Variants in CELSR1 observed in about 807,000 individuals in gnomAD.
CELSR1 encodes cadherin EGF LAG seven-pass G-type receptor 1, also known as adhesion G protein-coupled receptor C1.
Under a neutral mutation model 249.1 loss-of-function variants are expected in CELSR1, and 110 were observed. The ratio of observed to expected loss-of-function variants is 0.44; its 90% confidence interval spans 0.38 to 0.52. CELSR1 has a LOEUF of 0.52. CELSR1 is among the 20% of genes least tolerant of loss of function. CELSR1 has a pLI of 0.00. For synonymous variants in CELSR1, 2,113 were observed against 1,900.0 expected (o/e 1.11, Z -2.92); for missense variants, 4,109 against 4,296.4 (o/e 0.96, Z 1.22).
intron 2 of CELSR1, among the ~76,000 whole-genome samples, chr22:46,456,952 T>C (rs1423792851): frequency 1.3e-5 from 2 of 151,850 alleles, no homozygotes; most frequent in African/African-American, 4.8e-5. Flanking sequence ...AGGGAGTTGG[T>C]ACAAAGCTCA....
rs767963069 is a variant in CELSR1 at position 46,367,777 on chromosome 22, G to A, written c.8031C>T (p.Arg2677=). ...TWLLGLLAVN[R]DALSFHYLFA... ...AGAGGTAGTGAAAGCTCAGTGCATC[G>A]CGGTTCACAGCCAGCAGCCCCAGCA... is the stretch of plus-strand genomic sequence containing the variant. The change falls in exon 28 of 35, where the codon CGC becomes CGT. Residue 2677 remains arginine, a synonymous_variant. Transcript: ENST00000674500. 6 of 1,610,542 alleles carry A rather than the reference G, an allele frequency of 3.7e-6. No homozygotes were observed. The highest frequency in any genetic ancestry group is 2.7e-5 in the African/African-American group (2 of 74,928).
intron 2 of CELSR1, among the ~76,000 whole-genome samples, chr22:46,462,536 G>T (rs946019816): frequency 6.6e-6 from 1 of 151,860 alleles, no homozygotes; most frequent in Non-Finnish European, 1.5e-5. Context: ...AGCAGCTAAC[G>T]ATTGCTCAGG....
intron 33 of CELSR1, 81 bp from the exon 34 acceptor site, chr22:46,364,332 C>T: frequency 6.4e-7 from 1 of 1,558,454 alleles, no homozygotes; most frequent in Non-Finnish European, 8.6e-7. Context: ...GCTGAGCCAG[C>T]CTCAGCCCCT....
chr22:46,439,075 C>T, intron 3 of CELSR1, 114 bp downstream of exon 3: 1 of 1,055,422 alleles, frequency 9.5e-7, no homozygotes, highest in Non-Finnish European at 1.4e-6. Flanking sequence ...ACTCAACTAT[C>T]AAAGGCCACA....
intron 19 of CELSR1, 38 bp from the exon 20 acceptor site, chr22:46,384,724 G>C (rs111348923): frequency 0.051 from 80,142 of 1,578,464 alleles, 2,343 homozygotes; most frequent in Non-Finnish European, 0.061. Context: ...ATAACTCCCA[G>C]GGCTTTCTTG....
rs1373634166 is a variant in CELSR1, at chr22:46,427,335, A to C, written c.4611+6058T>G. On this transcript the variant is annotated intron_variant, in intron 5 of 34. Coordinates refer to ENST00000674500, the MANE Select transcript of CELSR1 (RefSeq NM_001378328.1). The surrounding 1 kb of genome is among the most constrained non-coding windows in gnomAD (Gnocchi z 4.2). ...GAGATCACCTGAGGTCAGGAGTTTG[A>C]AAACAACCTGGCCAACATGGTGAAA... 6.6e-6 allele frequency among the ~76,000 whole-genome samples: 1 copy of C among 152,172 alleles called. No homozygotes were observed. The highest frequency in any genetic ancestry group is 1.9e-4 in the East Asian group (1 of 5,200).
intron 2 of CELSR1, among the ~76,000 whole-genome samples, chr22:46,443,323 C>G (rs1030727024): frequency 6.6e-6 from 1 of 152,222 alleles, no homozygotes; most frequent in African/African-American, 2.4e-5. Context: ...CCCTCCACCC[C>G]AGGAGTCAGG....
chr22:46,392,289 T>A (rs1602068732), intron 14 of CELSR1, among the ~76,000 whole-genome samples: 1 of 152,168 alleles, frequency 6.6e-6, no homozygotes, highest in South Asian at 2.1e-4. Context: ...ACCAGCTACA[T>A]TGCCTGGGCT....
At chr22:46,377,474 G>A (rs2078931772) in intron 23 of CELSR1, 3 of 592,318 alleles carry the variant, frequency 5.1e-6, no homozygotes, top group Non-Finnish European at 8.9e-6. Context: ...GCATCCCTGG[G>A]GCCTGCGGCA....
At position 46,436,190 on chromosome 22, in the gene CELSR1, C is replaced by T; in HGVS notation, c.4506G>A (p.Gln1502=). ...IALEIVDEQV[Q]LTFSAGETTT... ...AGGCCCCACCTGCAGAGAAGGTGAG[C>T]TGCACCTGCTCGTCCACGATCTCCA... The change falls in exon 4 of 35, where the codon CAG becomes CAA. Residue 1502 remains glutamine, a synonymous_variant. Transcript: ENST00000674500. This position sits in a 1 kb window ranked among gnomAD's most constrained non-coding sequence, Gnocchi z 5.9. 1.2e-6 allele frequency: 2 copies of T among 1,608,576 alleles called. No individual in the cohort carries two copies. Among genetic ancestry groups the T allele is most frequent in the Non-Finnish European group, 1.7e-6 (2 of 1,175,158 alleles).
chr22:46,394,843 CAG>C (rs2147266906), intron 13 of CELSR1, among the ~76,000 whole-genome samples: 1 of 152,328 alleles, frequency 6.6e-6, no homozygotes, highest in African/African-American at 2.4e-5. Flanking sequence ...CCTCCCCCGG[CAG>C]AGAGCAACAG....
intron 23 of CELSR1, 27 bp downstream of exon 23, chr22:46,378,564 G>A (rs925289462): frequency 1.3e-6 from 2 of 1,546,678 alleles, no homozygotes; most frequent in South Asian, 2.4e-5. Flanking sequence ...GGCCCAGAGG[G>A]CACAGTGGCC....
At chr22:46,400,957 A>C (rs891055749) in intron 9 of CELSR1, among the ~76,000 whole-genome samples, 1 of 152,058 alleles carries the variant, frequency 6.6e-6, no homozygotes, top group Non-Finnish European at 1.5e-5. Flanking sequence ...GTCTCAAAAA[A>C]AAAAAAAGTA....
At chr22:46,420,758 CTCT>C (rs1196999668) in intron 5 of CELSR1, among the ~76,000 whole-genome samples, 1 of 152,196 alleles carries the variant, frequency 6.6e-6, no homozygotes, top group Non-Finnish European at 1.5e-5. Context: ...GTCCCCCTGC[CTCT>C]TCTTGCCCTG....
At chr22:46,533,048 G>C (rs991955953) in intron 1 of CELSR1, among the ~76,000 whole-genome samples, 2 of 152,154 alleles carry the variant, frequency 1.3e-5, no homozygotes, top group Admixed American at 6.5e-5. Context: ...GATCAAATGA[G>C]GCTATGCTTT....
Position 46,417,871 on chromosome 22 carries a change from C to T in CELSR1, c.4612-6112G>A, listed in dbSNP as rs529590115. Among the ~76,000 whole-genome samples the T allele has an allele frequency of 2.0e-5, 3 of 152,204 alleles. No individual in the cohort carries two copies. Among genetic ancestry groups the T allele is most frequent in the Admixed American group, 6.5e-5 (1 of 15,282 alleles). Reference sequence around the variant, plus strand: ...ATTCTCAACTCAGAGTCCAGCTGGGCGGGCCCAAGGCCGGCGGGGGGCTCA... The same window carrying T: ...ATTCTCAACTCAGAGTCCAGCTGGGTGGGCCCAAGGCCGGCGGGGGGCTCA... On this transcript the variant is annotated intron_variant, in intron 5 of 34. Transcript: ENST00000674500. The surrounding 1 kb of genome is among the most constrained non-coding windows in gnomAD (Gnocchi z 4.1).
At chr22:46,400,754 C>T (rs1285439265) in intron 9 of CELSR1, among the ~76,000 whole-genome samples, 2 of 152,050 alleles carry the variant, frequency 1.3e-5, no homozygotes, top group African/African-American at 4.8e-5. Flanking sequence ...GAGGTCAAGG[C>T]CAGCCTGGCA....
chr22:46,400,620 G>C (rs1490425689), intron 9 of CELSR1, among the ~76,000 whole-genome samples: 2 of 152,172 alleles, frequency 1.3e-5, no homozygotes. Flanking sequence ...CAGCCTGGGA[G>C]ACAAGAGCGA....
intron 1 of CELSR1, among the ~76,000 whole-genome samples, chr22:46,504,517 A>AAAC (rs2080496119): frequency 1.1e-5 from 1 of 92,252 alleles, no homozygotes; most frequent in African/African-American, 3.8e-5. Context: ...AAAAAAAAAA[A>AAAC]AAACAAAAAA....
Sources: gnomAD v4.1 joint callset for allele counts (sites outside exome capture counted in the v4.1 genomes callset) on GRCh38, gnomAD v4.1.1 for gene constraint, Gnocchi (gnomAD v3.1) non-coding constraint, MANE v1.5 for transcripts, NCBI Gene and HGNC (gene_info 2026-07-23, HGNC 2026-07-21) for gene names.